SERTAD4: variants seen among roughly 807,000 people sequenced by gnomAD.
The protein encoded by SERTAD4 is SERTA domain-containing protein 4.
A neutral mutation model predicts 32.9 loss-of-function variants in SERTAD4; 18 were observed. That is an observed-to-expected ratio of 0.55 (90% CI 0.38 to 0.81). The LOEUF is 0.81. SERTAD4 is among the 30% of genes least tolerant of loss of function. The pLI is 0.00. For missense variants in SERTAD4, 383 were observed against 426.0 expected (o/e 0.90, Z 0.89); for synonymous variants, 150 against 156.4 (o/e 0.96, Z 0.30).
intron 1 of SERTAD4, among the ~76,000 whole-genome samples, chr1:210,236,916 G>A (rs1003234561): frequency 6.6e-6 from 1 of 152,136 alleles, no homozygotes; most frequent in Admixed American, 6.5e-5. Context: ...ACCCTACCTC[G>A]AGACCTGCAA....
chr1:210,234,337 C>A (rs2083919986), intron 1 of SERTAD4, among the ~76,000 whole-genome samples: 1 of 152,232 alleles, frequency 6.6e-6, no homozygotes, highest in South Asian at 2.1e-4. Context: ...GGCATCGGAG[C>A]ACCCCTTCGT....
chr1:210,245,652 C>A lies in SERTAD4; in HGVS notation c.*3315C>A. On this transcript the variant is annotated 3_prime_UTR_variant, in exon 4 of 4. Coordinates refer to ENST00000367012, the MANE Select transcript of SERTAD4 (RefSeq NM_019605.5). ...GACAACAGAAATTTAGAACATTTTA[C>A]ATGCTTCTTTGTTAAATGGTGAAGC... is the stretch of plus-strand genomic sequence containing the variant. 1 of 244,320 alleles carries A rather than the reference C, an allele frequency of 4.1e-6. No individual in the cohort carries two copies. Among genetic ancestry groups the A allele is most frequent in the Non-Finnish European group, 6.6e-6 (1 of 152,312 alleles). 15.1% of individuals were successfully genotyped at this position (244,320 alleles called of 1,614,324 possible). A position where few individuals can be genotyped will look rare whatever the true frequency, so the allele number is the denominator to read the frequency against.
At chr1:210,233,781 G>A in intron 1 of SERTAD4, 1 of 470,968 alleles carries the variant, frequency 2.1e-6, no homozygotes, top group South Asian at 1.5e-5. Flanking sequence ...CTCGCCGCCA[G>A]GTCCCACGGG....
At chr1:210,233,994 T>TAAAAAA in intron 1 of SERTAD4, 1 of 334,782 alleles carries the variant, frequency 3.0e-6, no homozygotes, top group Non-Finnish European at 6.0e-6. Flanking sequence ...GTTTTTTTTT[T>TAAAAAA]AAAAAAAAAA....
intron 1 of SERTAD4, among the ~76,000 whole-genome samples, chr1:210,235,401 C>A (rs1335140774): frequency 6.6e-6 from 1 of 152,178 alleles, no homozygotes; most frequent in African/African-American, 2.4e-5. Flanking sequence ...ACTAGGAAGA[C>A]TCAATTGCAA....
intron 1 of SERTAD4, among the ~76,000 whole-genome samples, chr1:210,233,287 C>G (rs1024623567): frequency 2.0e-5 from 3 of 152,088 alleles, no homozygotes; most frequent in Non-Finnish European, 2.9e-5. Context: ...GGGCGGGAAC[C>G]GCCGCCTCCT....
Position 210,245,842 on chromosome 1 carries a change from A to T in SERTAD4, c.*3505A>T, listed in dbSNP as rs1315626589. 1.0e-6 allele frequency: 1 copy of T among 985,278 alleles called. No homozygotes were observed. The highest frequency in any genetic ancestry group is 1.7e-5 in the African/African-American group (1 of 57,246). The allele number at this position is 985,278 out of a possible 1,614,324, so 61.0% of individuals were successfully genotyped here. ...ACTTGTAGAAGACATGACCATTAAGAGACATCAACTTCGCAACAAATATAA... is the reference window on the plus strand; with the variant it reads ...ACTTGTAGAAGACATGACCATTAAGTGACATCAACTTCGCAACAAATATAA... On this transcript the variant is annotated 3_prime_UTR_variant, in exon 4 of 4. Transcript: ENST00000367012.
chr1:210,238,854 T>C (rs1231085719), intron 2 of SERTAD4, among the ~76,000 whole-genome samples: 2 of 152,206 alleles, frequency 1.3e-5, no homozygotes, highest in Admixed American at 1.3e-4. Context: ...AACTAAAATA[T>C]AAAACAAGTA....
intron 1 of SERTAD4, 42 bp downstream of exon 1, chr1:210,233,053 CGGGCAGGGTGGAGGGCGA>C (rs1239752369): frequency 6.6e-6 from 1 of 151,412 alleles, no homozygotes; most frequent in Non-Finnish European, 1.5e-5. Flanking sequence ...GCGGGAGGGC[CGGGCAGGGTGGAGGGCGA>C]GGGCCCCCCG....
Position 210,241,547 on chromosome 1 carries a change from T to TGGTTTTTAGACCA in SERTAD4, c.292-11_292-10insGGTTTTTAGACCA. 1 of 1,485,104 alleles carries TGGTTTTTAGACCA rather than the reference T, an allele frequency of 6.7e-7. No individual in the cohort carries two copies. The highest frequency in any genetic ancestry group is 8.9e-7 in the Non-Finnish European group (1 of 1,119,928). 92.0% of individuals were successfully genotyped at this position (1,485,104 alleles called of 1,614,324 possible). On this transcript the variant is annotated splice_polypyrimidine_tract_variant and intron_variant, in intron 3 of 3. Transcript: ENST00000367012. ...GTTTGTTTTTTTCTTTTTTTTTTTT[T>TGGTTTTTAGACCA]TGGTTTGTAGACCATCTCAATTTTT... is the stretch of plus-strand genomic sequence containing the variant.
intron 1 of SERTAD4, among the ~76,000 whole-genome samples, chr1:210,237,652 C>G (rs2083954151): frequency 6.6e-6 from 1 of 152,062 alleles, no homozygotes; most frequent in Admixed American, 6.5e-5. Context: ...GTTTAGGAGG[C>G]AAAGCAGCTG....
chr1:210,239,934 C>A (rs1209364772), intron 3 of SERTAD4, among the ~76,000 whole-genome samples: 2 of 152,170 alleles, frequency 1.3e-5, no homozygotes, highest in Non-Finnish European at 2.9e-5. Context: ...GGAATGCGCT[C>A]GTTCTTTCCT....
At chr1:210,246,378 T>G (rs983190990), downstream of SERTAD4, 1 of 158,012 alleles carries the variant, frequency 6.3e-6, no homozygotes, top group African/African-American at 2.4e-5. Context: ...GTTACTAGTT[T>G]GGAGATTATT....
Position 210,241,810 on chromosome 1 carries a change from G to C in SERTAD4, c.544G>C (p.Glu182Gln). The change falls in exon 4 of 4, where the codon GAA becomes CAA. Residue 182 changes from glutamate (E) to glutamine (Q), a missense_variant. Around this residue, in one of 3 missense-constraint regions of SERTAD4, gnomAD observed 107 missense variants for 158.8 expected, o/e 0.67. Coordinates refer to ENST00000367012, the MANE Select transcript of SERTAD4 (RefSeq NM_019605.5). ...YRKRPRMAKE[E>Q]CEKFHACCFY... ...AAAACGACCACGGATGGCCAAAGAG[G>C]AATGTGAAAAGTTTCATGCCTGCTG... 3 of 1,614,128 alleles carry C rather than the reference G, an allele frequency of 1.9e-6. No individual in the cohort carries two copies. The highest frequency in any genetic ancestry group is 2.5e-6 in the Non-Finnish European group (3 of 1,180,014).
In SERTAD4 at chr1:210,242,122, G is replaced by C; in HGVS notation, c.856G>C (p.Ala286Pro). ...QEKAKLNDEK[A>P]NDDTNRDGGP... ...AAAGGCCAAATTAAATGATGAGAAA[G>C]CAAATGATGACACCAACAGAGATGG... Residue 286 changes from alanine to proline, a missense_variant, in exon 4 of 4, where the codon GCA becomes CCA. By Grantham distance (27) the Ala-to-Pro change is conservative. Around this residue, in one of 3 missense-constraint regions of SERTAD4, gnomAD observed 180 missense variants for 190.6 expected, o/e 0.94. Transcript: ENST00000367012. The surrounding 1 kb of genome is among the most constrained non-coding windows in gnomAD (Gnocchi z 4.0). 6.2e-7 allele frequency: 1 copy of C among 1,614,222 alleles called. No homozygotes were observed. Among genetic ancestry groups the C allele is most frequent in the Non-Finnish European group, 8.5e-7 (1 of 1,180,042 alleles).
chr1:210,237,915 A>G, intron 1 of SERTAD4, 29 bp from the exon 2 acceptor site: 1 of 1,527,284 alleles, frequency 6.5e-7, no homozygotes, highest in Non-Finnish European at 9.0e-7. Context: ...TGTTTTCTTC[A>G]TTCTTGTTTT....
rs899903458 is a variant in SERTAD4 at position 210,242,161 on chromosome 1, C to A, written c.895C>A (p.His299Asn). ...DTNRDGGPLSHEPVGNDLAFE... is the reference protein window; with the variant it reads ...DTNRDGGPLSNEPVGNDLAFE... The stretch of plus-strand genomic sequence containing the variant: ...CAACAGAGATGGTGGCCCCCTCAGC[C>A]ACGAACCTGTGGGAAATGACCTTGC... Residue 299 changes from histidine to asparagine, a missense_variant, in exon 4 of 4, where the codon CAC becomes AAC. By Grantham distance (68) the His-to-Asn change is moderately conservative. Around this residue, in one of 3 missense-constraint regions of SERTAD4, gnomAD observed 180 missense variants for 190.6 expected, o/e 0.94. Coordinates refer to ENST00000367012, the MANE Select transcript of SERTAD4 (RefSeq NM_019605.5). The surrounding 1 kb of genome is among the most constrained non-coding windows in gnomAD (Gnocchi z 4.0). The A allele has an allele frequency of 1.2e-6, 2 of 1,614,064 alleles. No homozygotes were observed. The highest frequency in any genetic ancestry group is 3.3e-5 in the Admixed American group (2 of 60,002).
chr1:210,246,608 G>C, downstream of SERTAD4: 1 of 985,372 alleles, frequency 1.0e-6, no homozygotes, highest in Non-Finnish European at 1.2e-6. Context: ...ACTAAACGAA[G>C]GGAATTTACA....
intron 3 of SERTAD4, among the ~76,000 whole-genome samples, chr1:210,240,369 CCTCT>C (rs1162555556): frequency 6.6e-6 from 1 of 152,168 alleles, no homozygotes. Flanking sequence ...AATTCTTCTT[CCTCT>C]CTGTCTCCTC....
Sources: gnomAD v4.1 joint callset for allele counts (sites outside exome capture counted in the v4.1 genomes callset) on GRCh38, gnomAD v4.1.1 for gene constraint, gnomAD v4.1.1 regional missense constraint, Gnocchi (gnomAD v3.1) non-coding constraint, MANE v1.5 for transcripts, NCBI Gene and HGNC (gene_info 2026-07-23, HGNC 2026-07-21) for gene names.